PDE4D: variants seen among roughly 807,000 people sequenced by gnomAD.
The protein encoded by PDE4D is 3',5'-cyclic-AMP phosphodiesterase 4D.
In PDE4D, 24 loss-of-function variants were observed where a neutral mutation model predicts 87.4. The ratio of observed to expected loss-of-function variants is 0.27; its 90% CI spans 0.20 to 0.39. The LOEUF is 0.39. Ranked by LOEUF, PDE4D falls within the 10% of genes least tolerant of loss-of-function variation. PDE4D has a pLI of 1.00. For missense variants in PDE4D, 714 were observed against 1,041.0 expected (o/e 0.69, Z 4.32); for synonymous variants, 384 against 383.2 (o/e 1.00, Z -0.02).
intron 1 of PDE4D, among the ~76,000 whole-genome samples, chr5:59,267,806 C>T (rs1763096044): frequency 6.6e-6 from 1 of 152,192 alleles, no homozygotes; most frequent in East Asian, 1.9e-4. Flanking sequence ...CCTTGGTGTG[C>T]ATACATTCTA....
intron 1 of PDE4D, among the ~76,000 whole-genome samples, chr5:59,334,639 G>A (rs925551134): frequency 1.3e-5 from 2 of 152,012 alleles, no homozygotes; most frequent in East Asian, 3.9e-4. Context: ...TTAGTTGTGA[G>A]TATGTACACT....
chr5:59,989,101 T>TATATATATAC (rs2152831020), intron 2 of PDE4D, among the ~76,000 whole-genome samples: 1 of 94,650 alleles, frequency 1.1e-5, no homozygotes, highest in Non-Finnish European at 2.4e-5. Context: ...TATATATATA[T>TATATATATAC]ATATATATAT....
intron 3 of PDE4D, among the ~76,000 whole-genome samples, chr5:59,944,593 G>C (rs1338454376): frequency 1.3e-5 from 2 of 151,884 alleles, no homozygotes; most frequent in South Asian, 2.1e-4. Flanking sequence ...CAATGGTCTC[G>C]ATCTCCTGAC....
intron 1 of PDE4D, among the ~76,000 whole-genome samples, chr5:59,403,183 A>T (rs76899560): frequency 0.092 from 12,961 of 140,664 alleles, 672 homozygotes; most frequent in Middle Eastern, 0.16. Context: ...ACAGATAGAT[A>T]GATAGATTGA....
At chr5:59,088,826 A>G (rs1768183842) in intron 5 of PDE4D, among the ~76,000 whole-genome samples, 1 of 152,196 alleles carries the variant, frequency 6.6e-6, no homozygotes, top group African/African-American at 2.4e-5. Flanking sequence ...CAGGAAAATC[A>G]ACTAATGGGT....
intron 1 of PDE4D, among the ~76,000 whole-genome samples, chr5:59,413,914 A>C (rs1044687046): frequency 1.3e-5 from 2 of 152,234 alleles, no homozygotes; most frequent in African/African-American, 4.8e-5. Context: ...ATACATGTGC[A>C]CACACACAAA....
At chr5:60,279,266 CG>C (rs1167608259) in intron 1 of PDE4D, among the ~76,000 whole-genome samples, 5 of 152,152 alleles carry the variant, frequency 3.3e-5, no homozygotes, top group African/African-American at 1.2e-4. Context: ...TAGGCCTCCA[CG>C]GACACCAGCC....
intron 1 of PDE4D, among the ~76,000 whole-genome samples, chr5:59,245,435 A>T (rs956684250): frequency 1.3e-5 from 2 of 152,200 alleles, no homozygotes; most frequent in Admixed American, 6.6e-5. Context: ...GCTCACAGAC[A>T]TGAAGGCAGC....
chr5:60,264,532 G>C (rs1039514582), intron 1 of PDE4D, among the ~76,000 whole-genome samples: 2 of 152,200 alleles, frequency 1.3e-5, no homozygotes, highest in Non-Finnish European at 2.9e-5. Context: ...AACAAAAGAG[G>C]GAGGCACTAA....
intron 1 of PDE4D, among the ~76,000 whole-genome samples, chr5:59,473,993 C>T (rs1198503634): frequency 6.6e-6 from 1 of 152,116 alleles, no homozygotes; most frequent in Non-Finnish European, 1.5e-5. Context: ...CCAGAATGTA[C>T]TCTGGGAATA....
At chr5:59,492,195 G>A (rs762873097) in intron 1 of PDE4D, among the ~76,000 whole-genome samples, 1 of 152,102 alleles carries the variant, frequency 6.6e-6, no homozygotes, top group Non-Finnish European at 1.5e-5. Flanking sequence ...TTGAATACAA[G>A]TATCCATGAT....
intron 1 of PDE4D, among the ~76,000 whole-genome samples, chr5:60,251,793 T>C (rs1748497228): frequency 6.6e-6 from 1 of 151,900 alleles, no homozygotes; most frequent in Non-Finnish European, 1.5e-5. Context: ...AGTGTACCGT[T>C]AAGTGTACAG....
intron 1 of PDE4D, among the ~76,000 whole-genome samples, chr5:59,393,164 T>TATGGA (rs1208821985): frequency 6.6e-5 from 10 of 151,996 alleles, no homozygotes; most frequent in Admixed American, 5.9e-4. Flanking sequence ...AAGACCTACA[T>TATGGA]ATGGAAAGAA....
chr5:60,253,751 A>G (rs532405002), intron 1 of PDE4D, among the ~76,000 whole-genome samples: 1 of 152,058 alleles, frequency 6.6e-6, no homozygotes, highest in East Asian at 1.9e-4. Context: ...ATGAGTACTA[A>G]AGTCAAGAGT....
chr5:59,866,206 G>A (rs1016617942), intron 1 of PDE4D, among the ~76,000 whole-genome samples: 1 of 152,082 alleles, frequency 6.6e-6, no homozygotes, highest in African/African-American at 2.4e-5. Flanking sequence ...GCAGCAGACA[G>A]GACTCCTATA....
intron 2 of PDE4D, among the ~76,000 whole-genome samples, chr5:60,174,149 T>C (rs181756605): frequency 6.6e-5 from 10 of 152,106 alleles, no homozygotes; most frequent in Non-Finnish European, 1.0e-4. Flanking sequence ...GAACTAAATA[T>C]GGAAATTGAG....
At chr5:59,112,941 C>T (rs1206573331) in intron 5 of PDE4D, among the ~76,000 whole-genome samples, 2 of 152,006 alleles carry the variant, frequency 1.3e-5, no homozygotes, top group African/African-American at 2.4e-5. Flanking sequence ...GCTGGGATTA[C>T]AGGCATGCAC....
At chr5:59,731,629 T>TA (rs1757374463) in intron 1 of PDE4D, among the ~76,000 whole-genome samples, 1 of 152,140 alleles carries the variant, frequency 6.6e-6, no homozygotes, top group Non-Finnish European at 1.5e-5. Flanking sequence ...GCCATACTTT[T>TA]AAAACATGGC....
At chr5:60,265,480 G>C (rs1227237829) in intron 1 of PDE4D, among the ~76,000 whole-genome samples, 1 of 152,162 alleles carries the variant, frequency 6.6e-6, no homozygotes, top group East Asian at 1.9e-4. Flanking sequence ...ACAATGGAGA[G>C]GGAAATTTGT....
Sources: gnomAD v4.1 joint callset for allele counts (sites outside exome capture counted in the v4.1 genomes callset) on GRCh38, gnomAD v4.1.1 for gene constraint, MANE v1.5 for transcripts, NCBI Gene and HGNC (gene_info 2026-07-23, HGNC 2026-07-21) for gene names.